Variants in VAPB observed in about 807,000 individuals in gnomAD.
VAPB encodes the protein VAMP associated protein B and C, also known as vesicle-associated membrane protein-associated protein B/C.
A neutral mutation model predicts 25.6 loss-of-function variants in VAPB; 7 were observed. The observed-to-expected ratio is 0.27, with a 90% CI of 0.16 to 0.51. The LOEUF is 0.51. Ranked by LOEUF, VAPB falls within the 20% of genes least tolerant of loss-of-function variation. VAPB has a pLI of 0.97. For missense variants in VAPB, 266 were observed against 301.3 expected (o/e 0.88, Z 0.87); for synonymous variants, 112 against 109.2 (o/e 1.03, Z -0.16).
intron 1 of VAPB, 147 bp from the exon 2 acceptor site, chr20:58,418,064 T>G (rs1988584396): frequency 5.4e-6 from 6 of 1,102,406 alleles, no homozygotes; most frequent in Non-Finnish European, 8.1e-6. Flanking sequence ...TGCATTAACC[T>G]CAGCTCATCT....
chr20:58,394,915 G>C (rs1001195310), intron 1 of VAPB, among the ~76,000 whole-genome samples: 9 of 152,184 alleles, frequency 5.9e-5, no homozygotes, highest in African/African-American at 2.2e-4. Context: ...TTAAAGAGCT[G>C]AACTCTTAAA....
intron 1 of VAPB, among the ~76,000 whole-genome samples, chr20:58,403,716 A>G (rs955993327): frequency 1.3e-5 from 2 of 152,170 alleles, no homozygotes; most frequent in Non-Finnish European, 2.9e-5. Context: ...CTGCACAGAA[A>G]ACTTCCAAAT....
rs977881482 is a variant in VAPB, at chr20:58,450,096, A to G, written c.*5861A>G. On this transcript the variant is annotated 3_prime_UTR_variant, in exon 6 of 6. Transcript: ENST00000475243. ...CACACGTTGACTTGCCGGTTTTTCCATGTCATACAAAAAAGTCCTGGCTGT... is the reference window on the plus strand; with the variant it reads ...CACACGTTGACTTGCCGGTTTTTCCGTGTCATACAAAAAAGTCCTGGCTGT... 7 of 453,944 alleles carry G rather than the reference A, an allele frequency of 1.5e-5. No individual in the cohort carries two copies. Among genetic ancestry groups the G allele is most frequent in the African/African-American group, 1.0e-4 (5 of 49,992 alleles). 28.1% of individuals were successfully genotyped at this position (453,944 alleles called of 1,614,324 possible). A position where few individuals can be genotyped will look rare whatever the true frequency, so the allele number is the denominator to read the frequency against.
intron 1 of VAPB, among the ~76,000 whole-genome samples, chr20:58,398,874 G>A (rs1175890069): frequency 2.7e-5 from 4 of 148,678 alleles, no homozygotes; most frequent in Admixed American, 6.7e-5. Context: ...TTTTTTTGTC[G>A]TCATGCTGGC....
Position 58,448,181 on chromosome 20 carries a change from C to T in VAPB, c.*3946C>T. On this transcript the variant is annotated 3_prime_UTR_variant, in exon 6 of 6. Coordinates refer to ENST00000475243, the MANE Select transcript of VAPB (RefSeq NM_004738.5). Reference sequence around the variant, plus strand: ...GGAATTGTATTTAGAAAGGCCCCTGCAAAGTATATAGATGGATGACTCTAG... The same window carrying T: ...GGAATTGTATTTAGAAAGGCCCCTGTAAAGTATATAGATGGATGACTCTAG... The T allele has an allele frequency of 2.2e-6, 1 of 453,978 alleles. No homozygotes were observed. The highest frequency in any genetic ancestry group is 4.4e-6 in the Non-Finnish European group (1 of 226,780). The allele number at this position is 453,978 out of a possible 1,614,324, so 28.1% of individuals were successfully genotyped here. A position where few individuals can be genotyped will look rare whatever the true frequency, so the allele number is the denominator to read the frequency against.
chr20:58,398,309 C>T (rs960899434), intron 1 of VAPB, among the ~76,000 whole-genome samples: 4 of 152,192 alleles, frequency 2.6e-5, no homozygotes, highest in Non-Finnish European at 4.4e-5. Flanking sequence ...TCAAACCAAT[C>T]GGGGATTGTC....
rs757361960 is a variant in VAPB at position 58,445,052 on chromosome 20, G to A, written c.*817G>A. Reference sequence around the variant, plus strand: ...GGGTGAACTGGTATTGCTGCTGGAGGGCTGTGGGCTCCTCTGTCTCTGGAG... The same window carrying A: ...GGGTGAACTGGTATTGCTGCTGGAGAGCTGTGGGCTCCTCTGTCTCTGGAG... On this transcript the variant is annotated 3_prime_UTR_variant, in exon 6 of 6. Coordinates refer to ENST00000475243, the MANE Select transcript of VAPB (RefSeq NM_004738.5). 2.2e-6 allele frequency: 1 copy of A among 454,790 alleles called. No individual in the cohort carries two copies. The highest frequency in any genetic ancestry group is 4.4e-6 in the Non-Finnish European group (1 of 226,798). The allele number at this position is 454,790 out of a possible 1,614,324, so 28.2% of individuals were successfully genotyped here.
chr20:58,419,325 A>G (rs975681795), intron 2 of VAPB, among the ~76,000 whole-genome samples: 8 of 152,176 alleles, frequency 5.3e-5, no homozygotes, highest in Non-Finnish European at 5.9e-5. Flanking sequence ...CGTTTCTGCA[A>G]ACTCTTATTC....
intron 1 of VAPB, chr20:58,390,374 CTTTTG>C (rs1987763727): frequency 6.9e-6 from 1 of 144,392 alleles, no homozygotes; most frequent in African/African-American, 2.7e-5. Flanking sequence ...TATGTTGTTA[CTTTTG>C]TTTTTTTTTT....
chr20:58,418,359 A>G lies in VAPB; in HGVS notation c.207A>G (p.Val69=). Residue 69 remains valine (V), a synonymous_variant, in exon 2 of 6, where the codon GTA becomes GTG. Transcript: ENST00000475243. ...TCGATGCAGGGGCCTCAATTAATGT[A>G]TCTGGTAAGTCCTGAGACTGGAGGC... ...GIIDAGASIN[V]SVMLQPFDYD... 6.2e-7 allele frequency: 1 copy of G among 1,614,110 alleles called. No individual in the cohort carries two copies. The highest frequency in any genetic ancestry group is 8.5e-7 in the Non-Finnish European group (1 of 1,179,988).
chr20:58,429,821 C>T (rs140465040), intron 2 of VAPB, among the ~76,000 whole-genome samples: 1 of 152,290 alleles, frequency 6.6e-6, no homozygotes, highest in East Asian at 1.9e-4. Context: ...ACTTATTTAA[C>T]TATATTTTTA....
intron 2 of VAPB, among the ~76,000 whole-genome samples, chr20:58,427,557 C>G (rs112279646): frequency 2.6e-5 from 4 of 151,208 alleles, no homozygotes; most frequent in Admixed American, 2.0e-4. Context: ...CAAAAGTGAT[C>G]TGTGATCTGT....
chr20:58,393,796 G>A (rs549396795), intron 1 of VAPB, among the ~76,000 whole-genome samples: 2 of 152,124 alleles, frequency 1.3e-5, no homozygotes, highest in South Asian at 2.1e-4. Context: ...GCAATGGCGC[G>A]ATCTTGGCTC....
intron 2 of VAPB, among the ~76,000 whole-genome samples, chr20:58,424,431 A>G (rs1158800226): frequency 2.0e-5 from 3 of 151,980 alleles, no homozygotes; most frequent in Admixed American, 2.0e-4. Flanking sequence ...CAGAAATAAC[A>G]GTGGGGAGCT....
Position 58,449,357 on chromosome 20 carries a change from C to T in VAPB, c.*5122C>T, listed in dbSNP as rs967051329. 4.4e-6 allele frequency: 2 copies of T among 452,664 alleles called. No homozygotes were observed. The highest frequency in any genetic ancestry group is 4.0e-5 in the African/African-American group (2 of 49,894). The allele number at this position is 452,664 out of a possible 1,614,324, so 28.0% of individuals were successfully genotyped here. On this transcript the variant is annotated 3_prime_UTR_variant, in exon 6 of 6. Transcript: ENST00000475243. Reference sequence around the variant, plus strand: ...TTTTGAAAAATTTAAAAGACATGAACTCACATAAACAGTTATGGATGATAG... The same window carrying T: ...TTTTGAAAAATTTAAAAGACATGAATTCACATAAACAGTTATGGATGATAG...
chr20:58,402,390 C>G (rs1478510630), intron 1 of VAPB, among the ~76,000 whole-genome samples: 1 of 152,080 alleles, frequency 6.6e-6, no homozygotes, highest in Non-Finnish European at 1.5e-5. Context: ...CACTGCGTCC[C>G]CCTGCTTACC....
chr20:58,406,535 G>A (rs373535644), intron 1 of VAPB, among the ~76,000 whole-genome samples: 7 of 152,114 alleles, frequency 4.6e-5, no homozygotes, highest in Non-Finnish European at 1.0e-4. Flanking sequence ...GTTTCTCATC[G>A]TTCACAGATT....
chr20:58,392,350 T>C (rs1384918449), intron 1 of VAPB, among the ~76,000 whole-genome samples: 1 of 152,236 alleles, frequency 6.6e-6, no homozygotes, highest in African/African-American at 2.4e-5. Context: ...ATTCTGGCCC[T>C]GGATTGGCCA....
chr20:58,420,159 AT>A (rs895427635), intron 2 of VAPB, among the ~76,000 whole-genome samples: 1 of 151,966 alleles, frequency 6.6e-6, no homozygotes, highest in African/African-American at 2.4e-5. Context: ...TAATTTTTGT[AT>A]TTTTAGTAGA....
Sources: allele counts gnomAD v4.1 joint callset (sites outside exome capture counted in the v4.1 genomes callset), GRCh38; gene constraint gnomAD v4.1.1; transcripts MANE v1.5; gene names NCBI Gene and HGNC (gene_info 2026-07-23, HGNC 2026-07-21).